Variants in PTPRD observed in about 807,000 individuals in gnomAD.
The protein encoded by PTPRD is receptor-type tyrosine-protein phosphatase delta.
Under a neutral mutation model 214.5 loss-of-function variants are expected in PTPRD, and 34 were observed. The observed-to-expected ratio is 0.16, with a 90% CI of 0.12 to 0.21. PTPRD has a LOEUF of 0.21. Ranked by LOEUF, PTPRD falls within the 10% of genes least tolerant of loss-of-function variation. The pLI is 1.00. For missense variants in PTPRD, 2,545 were observed against 2,398.7 expected, an observed-to-expected ratio of 1.06 and a Z score of -1.27; for synonymous variants, 1,128 against 845.7, an observed-to-expected ratio of 1.33 and a Z score of -5.79.
chr9:10,580,743 A>AGT (rs1194554570), intron 2 of PTPRD, among the ~76,000 whole-genome samples: 43 of 152,318 alleles, frequency 2.8e-4, no homozygotes, highest in African/African-American at 9.9e-4. Flanking sequence ...ACAGAGACAA[A>AGT]GTGATTGCAC....
At chr9:9,696,390 CGA>C (rs1456035023) in intron 7 of PTPRD, among the ~76,000 whole-genome samples, 2 of 152,042 alleles carry the variant, frequency 1.3e-5, no homozygotes, top group African/African-American at 4.8e-5. Context: ...TTCATTACTG[CGA>C]GAGAGGTGTT....
intron 3 of PTPRD, among the ~76,000 whole-genome samples, chr9:10,295,806 T>C (rs2095657204): frequency 6.6e-6 from 1 of 152,062 alleles, no homozygotes; most frequent in African/African-American, 2.4e-5. Flanking sequence ...CAGAGAACTT[T>C]CCCTGGCTGG....
intron 9 of PTPRD, among the ~76,000 whole-genome samples, chr9:9,308,109 G>A (rs989752145): frequency 6.6e-6 from 1 of 152,086 alleles, no homozygotes; most frequent in Non-Finnish European, 1.5e-5. Context: ...GTATAACTGT[G>A]GCATTTTGAA....
intron 34 of PTPRD, among the ~76,000 whole-genome samples, chr9:8,444,856 C>G (rs2133142861): frequency 6.6e-6 from 1 of 152,302 alleles, no homozygotes; most frequent in East Asian, 1.9e-4. Context: ...GGGGCTAACA[C>G]AGTTCATCTT....
intron 10 of PTPRD, among the ~76,000 whole-genome samples, chr9:9,039,850 C>T (rs990188194): frequency 1.3e-5 from 2 of 152,086 alleles, no homozygotes; most frequent in East Asian, 1.9e-4. Context: ...TGTAGACTAA[C>T]AATTACAATA....
intron 11 of PTPRD, among the ~76,000 whole-genome samples, chr9:8,845,774 C>T (rs1246613629): frequency 6.6e-6 from 1 of 151,952 alleles, no homozygotes; most frequent in Non-Finnish European, 1.5e-5. Flanking sequence ...TTACCACCAG[C>T]ATATTTTCCC....
intron 14 of PTPRD, among the ~76,000 whole-genome samples, chr9:8,588,498 T>C (rs2093846730): frequency 6.6e-6 from 1 of 152,214 alleles, no homozygotes. Flanking sequence ...CAATTCTTTT[T>C]GTAGGCATCT....
chr9:9,046,274 A>G (rs147407765), intron 10 of PTPRD, among the ~76,000 whole-genome samples: 18 of 152,328 alleles, frequency 1.2e-4, no homozygotes, highest in South Asian at 6.2e-4. Context: ...TAATTACTTA[A>G]CTAAAACTCC....
chr9:10,136,046 T>A (rs575241466), intron 3 of PTPRD, among the ~76,000 whole-genome samples: 2 of 151,508 alleles, frequency 1.3e-5, no homozygotes, highest in South Asian at 4.2e-4. Flanking sequence ...GAAAGACCTA[T>A]CATGCAACTG....
intron 4 of PTPRD, among the ~76,000 whole-genome samples, chr9:10,002,371 A>T (rs1017246311): frequency 6.8e-6 from 1 of 148,072 alleles, no homozygotes; most frequent in African/African-American, 2.4e-5. Flanking sequence ...TCCAATTTAA[A>T]TGCTGAGGTT....
chr9:10,336,123 A>T (rs2096840003), intron 3 of PTPRD, among the ~76,000 whole-genome samples: 1 of 151,794 alleles, frequency 6.6e-6, no homozygotes, highest in South Asian at 2.1e-4. Flanking sequence ...TTATGTTCAC[A>T]CAGAAAAACT....
intron 10 of PTPRD, among the ~76,000 whole-genome samples, chr9:9,061,433 G>C (rs184402654): frequency 1.3e-5 from 2 of 152,106 alleles, no homozygotes; most frequent in East Asian, 3.9e-4. Flanking sequence ...ATGAAGACTC[G>C]GTAAAAACTA....
intron 10 of PTPRD, among the ~76,000 whole-genome samples, chr9:9,144,136 G>T (rs1226301018): frequency 6.6e-6 from 1 of 152,134 alleles, no homozygotes; most frequent in African/African-American, 2.4e-5. Context: ...ATTTAAAAAA[G>T]TTAAATAAAG....
intron 2 of PTPRD, among the ~76,000 whole-genome samples, chr9:10,483,838 T>G (rs556487516): frequency 6.6e-6 from 1 of 152,190 alleles, no homozygotes; most frequent in Non-Finnish European, 1.5e-5. Context: ...GAATGTAAAT[T>G]AATACAACCT....
chr9:10,012,753 C>T (rs1326652895), intron 4 of PTPRD, among the ~76,000 whole-genome samples: 2 of 151,820 alleles, frequency 1.3e-5, no homozygotes, highest in Non-Finnish European at 2.9e-5. Context: ...AAGGAAAACC[C>T]CGAGTGTGTT....
intron 3 of PTPRD, among the ~76,000 whole-genome samples, chr9:10,110,963 G>A (rs1437506991): frequency 6.6e-6 from 1 of 152,146 alleles, no homozygotes; most frequent in African/African-American, 2.4e-5. Flanking sequence ...TTTGATGTAT[G>A]AGGATTTTTG....
chr9:9,983,054 T>C (rs1157992756), intron 4 of PTPRD, among the ~76,000 whole-genome samples: 1 of 75,934 alleles, frequency 1.3e-5, no homozygotes, highest in Non-Finnish European at 3.2e-5. Flanking sequence ...CTTAAATATG[T>C]TATACCAAAA....
intron 10 of PTPRD, among the ~76,000 whole-genome samples, chr9:9,172,266 T>C (rs995165651): frequency 1.3e-5 from 2 of 152,154 alleles, no homozygotes; most frequent in African/African-American, 4.8e-5. Context: ...TATAAGAATA[T>C]AGCCTTTGAA....
intron 8 of PTPRD, among the ~76,000 whole-genome samples, chr9:9,568,085 T>C (rs2085148524): frequency 6.6e-6 from 1 of 151,694 alleles, no homozygotes. Context: ...AGAACATAGG[T>C]CCCTGATTAT....
Sources: gnomAD v4.1 joint callset for allele counts (sites outside exome capture counted in the v4.1 genomes callset) on GRCh38, gnomAD v4.1.1 for gene constraint, MANE v1.5 for transcripts, NCBI Gene and HGNC (gene_info 2026-07-23, HGNC 2026-07-21) for gene names.